The following PARP8 variants were observed in gnomAD, a reference collection of about 807,000 sequenced individuals.
The protein encoded by PARP8 is protein mono-ADP-ribosyltransferase PARP8.
Under a neutral mutation model 124.1 loss-of-function variants are expected in PARP8, and 51 were observed. The observed-to-expected ratio is 0.41, with a 90% CI of 0.33 to 0.52. The LOEUF is 0.52. PARP8 is among the 20% of genes least tolerant of loss of function. The pLI is 0.21. For synonymous variants in PARP8, 391 were observed against 361.5 expected, an observed-to-expected ratio of 1.08 and a Z score of -0.93; for missense variants, 860 against 1,018.9, an observed-to-expected ratio of 0.84 and a Z score of 2.12.
In PARP8 at chr5:50,778,704, G is replaced by A. The variant is rs543967153; in HGVS notation, c.670+54G>A. The A allele has an allele frequency of 5.1e-6, 6 of 1,173,642 alleles. No individual in the cohort carries two copies. In the South Asian group the frequency reaches 8.7e-5, roughly 17 times the overall value. 72.7% of individuals were successfully genotyped at this position (1,173,642 alleles called of 1,614,324 possible). On this transcript the variant is annotated intron_variant, in intron 9 of 25. Coordinates refer to ENST00000281631, the MANE Select transcript of PARP8 (RefSeq NM_024615.4). ...TGAATATTAATTAGCTGTGCACTAT[G>A]CCTTAAGCAAAATGCGTGTTCATTT... is the stretch of plus-strand genomic sequence containing the variant.
intron 16 of PARP8, 106 bp downstream of exon 16, chr5:50,821,444 C>T: frequency 7.9e-7 from 1 of 1,260,446 alleles, no homozygotes; most frequent in African/African-American, 1.5e-5. Flanking sequence ...AAATCTCTAT[C>T]TCATCAAGCA....
At chr5:50,667,737 C>T (rs1260776713) in intron 1 of PARP8, 3 of 705,006 alleles carry the variant, frequency 4.3e-6, no homozygotes, top group South Asian at 1.5e-5. Flanking sequence ...AGCGCCCCTG[C>T]CTGGGGGTCG....
At chr5:50,833,865 C>CT (rs76422748) in intron 23 of PARP8, 114 bp from the exon 24 acceptor site, 15,549 of 598,662 alleles carry the variant, frequency 0.026, 14 homozygotes, top group Non-Finnish European at 0.03. Context: ...TCTAGATAGG[C>CT]TTTTTTTTTT....
intron 2 of PARP8, among the ~76,000 whole-genome samples, chr5:50,697,943 T>C (rs1488009335): frequency 6.6e-6 from 1 of 152,212 alleles, no homozygotes; most frequent in East Asian, 1.9e-4. Flanking sequence ...CACTTCCTTT[T>C]TCATCTCCTT....
At chr5:50,824,686 T>G (rs1260913452) in intron 17 of PARP8, among the ~76,000 whole-genome samples, 1 of 152,106 alleles carries the variant, frequency 6.6e-6, no homozygotes, top group Non-Finnish European at 1.5e-5. Context: ...GGGACAAGTC[T>G]TTTAACACAG....
chr5:50,757,340 T>A (rs1488007920), intron 3 of PARP8: 1 of 323,390 alleles, frequency 3.1e-6, no homozygotes. Flanking sequence ...GAGAACAGAG[T>A]GCTTTGAATT....
intron 14 of PARP8, among the ~76,000 whole-genome samples, chr5:50,814,527 T>A (rs1338319527): frequency 2.6e-5 from 4 of 152,100 alleles, no homozygotes; most frequent in Non-Finnish European, 5.9e-5. Flanking sequence ...AAAATTCTTT[T>A]TGGAGCAAAG....
At chr5:50,681,050 AT>A (rs2149445608) in intron 2 of PARP8, among the ~76,000 whole-genome samples, 1 of 152,250 alleles carries the variant, frequency 6.6e-6, no homozygotes, top group Non-Finnish European at 1.5e-5. Flanking sequence ...ATTTATGTAG[AT>A]ATTTTCCCTA....
rs1229076386 is a variant in PARP8 at position 50,786,894 on chromosome 5, C to G, written c.671-1629C>G. 9.9e-5 allele frequency among the ~76,000 whole-genome samples: 15 copies of G among 152,120 alleles called. No homozygotes were observed. The East Asian group carries it at 2.9e-3, about 29-fold the overall frequency. On this transcript the variant is annotated intron_variant, in intron 9 of 25. Coordinates refer to ENST00000281631, the MANE Select transcript of PARP8 (RefSeq NM_024615.4). ...TATATCTTTAGTACATTCCTCTCAC[C>G]TTTAATGCCTAAATGCTGGGCTTCT...
Position 50,778,076 on chromosome 5 carries a change from G to A in PARP8, c.526G>A (p.Gly176Arg). Residue 176 changes from glycine to arginine, a missense_variant, in exon 8 of 26, where the codon GGA becomes AGA. Gly to Arg is a moderately radical substitution (Grantham distance 125, BLOSUM62 -2). Around this residue, in one of 2 missense-constraint regions of PARP8, gnomAD observed 517 missense variants for 544.2 expected, o/e 0.95. Transcript: ENST00000281631. ...GTTAATTTTTGCTTTCAGGGAATAT[G>A]GAGCCATTGATGATGTAGATATTGA... ...GPHAVSLREY[G>R]AIDDVDIDLH... is the part of the protein sequence containing the mutation. 6.2e-7 allele frequency: 1 copy of A among 1,606,150 alleles called. No homozygotes were observed. Among genetic ancestry groups the A allele is most frequent in the African/African-American group, 1.3e-5 (1 of 74,684 alleles).
At chr5:50,676,641 T>C (rs1442932030) in intron 2 of PARP8, among the ~76,000 whole-genome samples, 1 of 152,240 alleles carries the variant, frequency 6.6e-6, no homozygotes, top group Non-Finnish European at 1.5e-5. Context: ...GAGCAGTCTA[T>C]GTTGGAGTGT....
intron 2 of PARP8, among the ~76,000 whole-genome samples, chr5:50,726,829 A>G (rs1756476501): frequency 6.6e-6 from 1 of 152,102 alleles, no homozygotes; most frequent in Non-Finnish European, 1.5e-5. Flanking sequence ...TTCTAAAGCA[A>G]GACTGCTTTA....
At chr5:50,737,033 C>T (rs190236243) in intron 2 of PARP8, among the ~76,000 whole-genome samples, 1 of 152,148 alleles carries the variant, frequency 6.6e-6, no homozygotes, top group Non-Finnish European at 1.5e-5. Context: ...TGAAGAAACT[C>T]TCTCCACCTG....
chr5:50,756,223 A>G (rs1004897823), intron 3 of PARP8, among the ~76,000 whole-genome samples: 1 of 152,024 alleles, frequency 6.6e-6, no homozygotes, highest in African/African-American at 2.4e-5. Context: ...ACTATGTTGA[A>G]TAGGAGTGGT....
intron 3 of PARP8, among the ~76,000 whole-genome samples, chr5:50,752,932 T>C (rs1256159159): frequency 1.3e-5 from 2 of 152,120 alleles, no homozygotes; most frequent in African/African-American, 4.8e-5. Context: ...ATTAATTAAC[T>C]TGTACCATCT....
intron 18 of PARP8, among the ~76,000 whole-genome samples, chr5:50,826,174 AAG>A: frequency 6.6e-6 from 1 of 152,200 alleles, no homozygotes; most frequent in East Asian, 1.9e-4. Flanking sequence ...TTTCAAGATG[AAG>A]AGAGTCTACC....
Position 50,778,080 on chromosome 5 carries a change from C to A in PARP8, c.530C>A (p.Ala177Asp). ...ATTTTTGCTTTCAGGGAATATGGAG[C>A]CATTGATGATGTAGATATTGATCTG... ...PHAVSLREYG[A>D]IDDVDIDLHI... Residue 177 changes from alanine to aspartate, a missense_variant, in exon 8 of 26, where the codon GCC becomes GAC. Transcript: ENST00000281631. 6.2e-7 allele frequency: 1 copy of A among 1,604,888 alleles called. No individual in the cohort carries two copies. The highest frequency in any genetic ancestry group is 1.1e-5 in the South Asian group (1 of 88,282).
intron 2 of PARP8, among the ~76,000 whole-genome samples, chr5:50,715,383 G>A (rs74758764): frequency 7.9e-5 from 12 of 152,012 alleles, no homozygotes; most frequent in Admixed American, 2.0e-4. Context: ...TTTTATAACC[G>A]TTCTAGGAAT....
chr5:50,808,065 A>G (rs1309513422), intron 14 of PARP8, among the ~76,000 whole-genome samples: 2 of 151,968 alleles, frequency 1.3e-5, no homozygotes, highest in African/African-American at 2.4e-5. Flanking sequence ...TTATTTTCCA[A>G]GTGAAATTAA....
Sources: gnomAD v4.1 joint callset for allele counts (sites outside exome capture counted in the v4.1 genomes callset) on GRCh38, gnomAD v4.1.1 for gene constraint, gnomAD v4.1.1 regional missense constraint, MANE v1.5 for transcripts, NCBI Gene and HGNC (gene_info 2026-07-23, HGNC 2026-07-21) for gene names.